Variants in ARHGAP28 observed in about 807,000 individuals in gnomAD.
The protein encoded by ARHGAP28 is rho GTPase-activating protein 28.
A neutral mutation model predicts 90.7 loss-of-function variants in ARHGAP28; 56 were observed. That is an observed-to-expected ratio of 0.62 (90% confidence interval 0.50 to 0.77). The LOEUF is 0.77. ARHGAP28 is among the 30% of genes least tolerant of loss of function. The pLI, the probability that ARHGAP28 is intolerant of heterozygous loss-of-function variation, is 0.00. For synonymous variants in ARHGAP28, 308 were observed against 323.3 expected, an observed-to-expected ratio of 0.95 and a Z score of 0.51; for missense variants, 869 against 900.9, an observed-to-expected ratio of 0.96 and a Z score of 0.45.
chr18:6,785,656 A>G (rs1014805324), intron 1 of ARHGAP28, among the ~76,000 whole-genome samples: 1 of 152,216 alleles, frequency 6.6e-6, no homozygotes, highest in Non-Finnish European at 1.5e-5. Context: ...GACTAAGCCA[A>G]CCAGCAGGTT....
chr18:6,883,373 G>C (rs1305016945), intron 11 of ARHGAP28, among the ~76,000 whole-genome samples: 1 of 152,000 alleles, frequency 6.6e-6, no homozygotes, highest in African/African-American at 2.4e-5. Flanking sequence ...TGAGTAGCTG[G>C]GATTACAGGT....
rs527245327 is a variant in ARHGAP28, at chr18:6,860,411, A to G, written c.726+514A>G. The stretch of plus-strand genomic sequence containing the variant: ...AGAACTTGTACTTTTGTTTTGTCAA[A>G]AATTTTTGTCATTCCCCCTCCCGTC... On this transcript the variant is annotated intron_variant, in intron 5 of 17. Transcript: ENST00000383472. Among the ~76,000 whole-genome samples the G allele has an allele frequency of 9.9e-5, 15 of 152,252 alleles. No homozygotes were observed. In the South Asian group the frequency reaches 3.1e-3, roughly 32 times the overall value.
chr18:6,840,237 TGA>T (rs753660860), intron 3 of ARHGAP28, among the ~76,000 whole-genome samples: 13 of 152,224 alleles, frequency 8.5e-5, no homozygotes, highest in Non-Finnish European at 1.6e-4. Flanking sequence ...GGGATCATCT[TGA>T]GAGGGTCCTA....
intron 1 of ARHGAP28, among the ~76,000 whole-genome samples, chr18:6,820,196 A>G (rs990123298): frequency 2.0e-5 from 3 of 152,210 alleles, no homozygotes; most frequent in African/African-American, 7.2e-5. Context: ...ATTGATCAAA[A>G]TATAGATAAT....
chr18:6,843,873 A>G (rs74346946), intron 3 of ARHGAP28, among the ~76,000 whole-genome samples: 7,211 of 152,264 alleles, frequency 0.047, 436 homozygotes, highest in African/African-American at 0.14. Context: ...TAGTTTTTCA[A>G]TGGAGTTTTT....
chr18:6,828,356 G>A (rs1342981764), intron 2 of ARHGAP28, among the ~76,000 whole-genome samples: 1 of 152,020 alleles, frequency 6.6e-6, no homozygotes, highest in Non-Finnish European at 1.5e-5. Context: ...AGAGGGAGAG[G>A]GAGACCGTGG....
rs138936326 is a variant in ARHGAP28, at chr18:6,899,538, G to GA, written c.2030+2918dup. Among the ~76,000 whole-genome samples, 1,127 of 152,014 alleles carry GA rather than the reference G, an allele frequency of 7.4e-3. 19 individuals are homozygous for GA. Among genetic ancestry groups the GA allele is most frequent in the African/African-American group, 0.026 (1,077 of 41,448 alleles). On this transcript the variant is annotated intron_variant, in intron 16 of 17. Coordinates refer to ENST00000383472, the MANE Select transcript of ARHGAP28 (RefSeq NM_001366230.1). ...GCCCTACTCCAGCCAAACACCAATA[G>GA]AAAAAACACGCCACCACCCCATGGT... is the stretch of plus-strand genomic sequence containing the variant.
At chr18:6,867,306 A>T (rs773725578) in intron 5 of ARHGAP28, among the ~76,000 whole-genome samples, 4 of 152,226 alleles carry the variant, frequency 2.6e-5, no homozygotes, top group African/African-American at 4.8e-5. Flanking sequence ...AAATATGAGA[A>T]TAAAAAAAGA....
At chr18:6,902,678 G>C (rs1267971398) in intron 16 of ARHGAP28, among the ~76,000 whole-genome samples, 1 of 152,142 alleles carries the variant, frequency 6.6e-6, no homozygotes, top group South Asian at 2.1e-4. Flanking sequence ...AAGTGCTGGC[G>C]AAGATGAGAA....
At chr18:6,747,327 C>T (rs542583036) in intron 1 of ARHGAP28, among the ~76,000 whole-genome samples, 69 of 152,052 alleles carry the variant, frequency 4.5e-4, no homozygotes, top group African/African-American at 1.5e-3. Flanking sequence ...TGAAGGTAGA[C>T]GGTAGGGAGA....
intron 1 of ARHGAP28, among the ~76,000 whole-genome samples, chr18:6,819,620 G>C (rs1393525197): frequency 6.6e-6 from 1 of 152,186 alleles, no homozygotes; most frequent in Non-Finnish European, 1.5e-5. Context: ...TCCAAATGCA[G>C]AGCTAGTTCT....
intron 3 of ARHGAP28, among the ~76,000 whole-genome samples, chr18:6,841,198 TCTCTC>T (rs1222771175): frequency 0.014 from 893 of 64,604 alleles, 36 homozygotes; most frequent in African/African-American, 0.03. Flanking sequence ...TCTCTCTCTC[TCTCTC>T]CTCTCCTCTC....
intron 2 of ARHGAP28, among the ~76,000 whole-genome samples, chr18:6,828,177 C>G (rs2056688184): frequency 6.6e-6 from 1 of 152,170 alleles, no homozygotes; most frequent in African/African-American, 2.4e-5. Context: ...AGTGAAACCC[C>G]GTCTCCACCA....
rs2056072770 is a variant in ARHGAP28, at chr18:6,751,941, T to C, written c.122+21998T>C. On this transcript the variant is annotated intron_variant, in intron 1 of 17. Coordinates refer to ENST00000383472, the MANE Select transcript of ARHGAP28 (RefSeq NM_001366230.1). ...AAGAAATAGCAAAGTACCTTCCGTTTTTGAAGCCTTGCTTACAAAACTTAA... is the reference window on the plus strand; with the variant it reads ...AAGAAATAGCAAAGTACCTTCCGTTCTTGAAGCCTTGCTTACAAAACTTAA... Among the ~76,000 whole-genome samples the C allele has an allele frequency of 2.0e-5, 3 of 152,182 alleles. No homozygotes were observed. In the South Asian group the frequency reaches 6.2e-4, roughly 32 times the overall value.
chr18:6,754,692 A>G (rs917070410), intron 1 of ARHGAP28: 3 of 152,160 alleles, frequency 2.0e-5, no homozygotes, highest in African/African-American at 7.2e-5. Context: ...CTGCAGGTCA[A>G]TTTCCCAAGG....
chr18:6,749,850 A>T (rs2056054648), intron 1 of ARHGAP28, among the ~76,000 whole-genome samples: 1 of 152,156 alleles, frequency 6.6e-6, no homozygotes, highest in Non-Finnish European at 1.5e-5. Context: ...AACATAATTA[A>T]TTTTCACTGA....
chr18:6,881,137 G>C (rs777611672), intron 10 of ARHGAP28, among the ~76,000 whole-genome samples: 3 of 152,200 alleles, frequency 2.0e-5, no homozygotes, highest in Non-Finnish European at 2.9e-5. Flanking sequence ...CAGTTTTCAG[G>C]CTCTGGGAGC....
chr18:6,868,616 C>G (rs1190150851), intron 6 of ARHGAP28, among the ~76,000 whole-genome samples: 1 of 143,276 alleles, frequency 7.0e-6, no homozygotes, highest in African/African-American at 2.6e-5. Flanking sequence ...AGCTTGCCCC[C>G]TGACAAGGCT....
At chr18:6,744,254 A>G (rs141478369) in intron 1 of ARHGAP28, among the ~76,000 whole-genome samples, 6 of 152,298 alleles carry the variant, frequency 3.9e-5, no homozygotes, top group Non-Finnish European at 8.8e-5. Flanking sequence ...TGCAGCATGT[A>G]ACCACAGATG....
Sources: gnomAD v4.1 joint callset for allele counts (sites outside exome capture counted in the v4.1 genomes callset) on GRCh38, gnomAD v4.1.1 for gene constraint, MANE v1.5 for transcripts, NCBI Gene and HGNC (gene_info 2026-07-23, HGNC 2026-07-21) for gene names.